The following MADCAM1 variants were observed in gnomAD, a reference collection of about 807,000 sequenced individuals.
MADCAM1 encodes the protein mucosal vascular addressin cell adhesion molecule 1.
A neutral mutation model predicts 26.1 loss-of-function variants in MADCAM1; 19 were observed. That is an observed-to-expected ratio of 0.73 (90% CI 0.51 to 1.07). The LOEUF (loss-of-function observed/expected upper bound fraction) is 1.07. Ranked by LOEUF, MADCAM1 falls within the 50% of genes least tolerant of loss-of-function variation. The probability of loss-of-function intolerance (pLI) is 0.00; values close to 1 mark genes in which losing one functional copy is unlikely to be tolerated. For missense variants in MADCAM1, 514 were observed against 542.1 expected (o/e 0.95, Z 0.51); for synonymous variants, 268 against 260.9 (o/e 1.03, Z -0.26).
In MADCAM1 at chr19:496,486, A is replaced by T. The variant is rs1950376811; in HGVS notation, c.-14A>T. On this transcript the variant is annotated 5_prime_UTR_variant, in exon 1 of 5. Transcript: ENST00000215637. The stretch of plus-strand genomic sequence containing the variant: ...AGCGGCTTCCCCGCGGCCTCGGGAC[A>T]GAGGGGACTGAGCATGGATTTCGGA... 3.1e-6 allele frequency: 4 copies of T among 1,309,496 alleles called. No homozygotes were observed. Among genetic ancestry groups the T allele is most frequent in the Non-Finnish European group, 3.9e-6 (4 of 1,021,678 alleles). 81.1% of individuals were successfully genotyped at this position (1,309,496 alleles called of 1,614,324 possible).
At chr19:499,319 T>C in intron 3 of MADCAM1, 1 of 457,794 alleles carries the variant, frequency 2.2e-6, no homozygotes, top group South Asian at 1.5e-5. Flanking sequence ...CTCTGTAGAA[T>C]GTTGCCTCCT....
intron 3 of MADCAM1, 132 bp downstream of exon 3, chr19:498,957 G>T (rs1978302569): frequency 3.9e-6 from 5 of 1,296,386 alleles, no homozygotes; most frequent in Non-Finnish European, 5.3e-6. Flanking sequence ...CCCACGCAGC[G>T]ACAGCGACAT....
chr19:499,423 C>G, intron 3 of MADCAM1: 2 of 439,660 alleles, frequency 4.5e-6, no homozygotes, highest in Non-Finnish European at 9.2e-6. Flanking sequence ...TGTACAAACA[C>G]AGACACACAC....
chr19:501,742 G>C lies in MADCAM1; in HGVS notation c.741G>C (p.Glu247Asp), dbSNP rs140671566. ...AGTCTCCCGACACCACCTCCCCGGA[G>C]TCTCCCGACACCACCTCCCAGGAGC... ...SPESPDTTSPESPDTTSQEPP... is the reference protein window; with the variant it reads ...SPESPDTTSPDSPDTTSQEPP... Residue 247 changes from glutamate (E) to aspartate (D), a missense_variant, in exon 4 of 5, where the codon GAG (glutamate) becomes GAC (aspartate). By Grantham distance (45) the Glu-to-Asp change is conservative (BLOSUM62 2). This residue lies in a region of MADCAM1 where 45 missense variants were observed against 91.8 expected (regional missense o/e 0.49). Coordinates refer to ENST00000215637, the MANE Select transcript of MADCAM1 (RefSeq NM_130760.3). 129 of 1,559,880 alleles carry C rather than the reference G, an allele frequency of 8.3e-5. 1 individual carries two copies. The African/African-American group carries it at 1.6e-3, about 19-fold the overall frequency.
rs1568318161 is a variant in MADCAM1 at position 501,834 on chromosome 19, C to CCA, written c.841_842dup (p.Arg283ProfsTer24). 1 of 1,558,790 alleles carries CCA rather than the reference C, an allele frequency of 6.4e-7. No homozygotes were observed. Among genetic ancestry groups the CCA allele is most frequent in the East Asian group, 2.4e-5 (1 of 41,148 alleles). On this transcript the variant is annotated frameshift_variant, in exon 4 of 5. Coordinates refer to ENST00000215637, the MANE Select transcript of MADCAM1 (RefSeq NM_130760.3). LOFTEE classifies it high-confidence loss of function. ...CCGGAGCCCGCCCCCCAGCAGGGCT[C>CCA]CACACACACCCCCAGGAGCCCAGGC... is the stretch of plus-strand genomic sequence containing the variant.
At chr19:500,217 G>C in intron 3 of MADCAM1, 1 of 456,158 alleles carries the variant, frequency 2.2e-6, no homozygotes. Flanking sequence ...TCTCAGGGCA[G>C]CCCAAAGAGG....
chr19:497,721 C>T, intron 1 of MADCAM1, 112 bp from the exon 2 acceptor site: 1 of 803,966 alleles, frequency 1.2e-6, no homozygotes, highest in Non-Finnish European at 1.5e-6. Flanking sequence ...GCGGAGGGTC[C>T]GGGAACCGGG....
chr19:497,882 G>C lies in MADCAM1; in HGVS notation c.102G>C (p.Val34=). 7.4e-7 allele frequency: 1 copy of C among 1,353,968 alleles called. No homozygotes were observed. Among genetic ancestry groups the C allele is most frequent in the South Asian group, 1.8e-5 (1 of 54,508 alleles). 83.9% of individuals were successfully genotyped at this position (1,353,968 alleles called of 1,614,324 possible). ...KPLQVEPPEP[V]VAVALGASRQ... ...TGCAGGTGGAGCCCCCGGAGCCGGTGGTGGCCGTGGCCTTGGGCGCCTCGC... is the reference window on the plus strand; with the variant it reads ...TGCAGGTGGAGCCCCCGGAGCCGGTCGTGGCCGTGGCCTTGGGCGCCTCGC... Residue 34 remains valine (V), a synonymous_variant, in exon 2 of 5, where the codon GTG becomes GTC. Coordinates refer to ENST00000215637, the MANE Select transcript of MADCAM1 (RefSeq NM_130760.3).
chr19:503,230 T>C (rs1434485749), intron 4 of MADCAM1, among the ~76,000 whole-genome samples: 1 of 151,804 alleles, frequency 6.6e-6, no homozygotes, highest in Non-Finnish European at 1.5e-5. Context: ...GAGCTTGCAG[T>C]GAGCCGAGAT....
chr19:500,545 C>T (rs1014117327), intron 3 of MADCAM1, among the ~76,000 whole-genome samples: 1 of 151,982 alleles, frequency 6.6e-6, no homozygotes, highest in Non-Finnish European at 1.5e-5. Context: ...GCCTGGCCAA[C>T]ATAGTGAAAC....
At position 501,897 on chromosome 19, in the gene MADCAM1, G is replaced by C; in HGVS notation, c.896G>C (p.Gly299Ala). Residue 299 changes from glycine to alanine, a missense_variant, in exon 4 of 5, where the codon GGG (glycine) becomes GCG (alanine). Physicochemically the swap from Gly to Ala is moderately conservative, Grantham distance 60 (BLOSUM62 0). Transcript: ENST00000215637. ...CGCCGCCCTGAGATCTCCCAGGCTG[G>C]GCCCACGCAGGGAGAAGTGATCCCA... ...RTRRPEISQA[G>A]PTQGEVIPTG... 1.3e-6 allele frequency: 2 copies of C among 1,548,616 alleles called. No individual in the cohort carries two copies. Among genetic ancestry groups the C allele is most frequent in the Non-Finnish European group, 1.7e-6 (2 of 1,147,988 alleles).
rs1297135685 is a variant in MADCAM1 at position 496,567 on chromosome 19, G to A, written c.52+16G>A. The A allele has an allele frequency of 2.2e-5, 29 of 1,296,042 alleles. No homozygotes were observed. Among genetic ancestry groups the A allele is most frequent in the Non-Finnish European group, 2.9e-5 (29 of 1,015,266 alleles). 80.3% of individuals were successfully genotyped at this position (1,296,042 alleles called of 1,614,324 possible). The stretch of plus-strand genomic sequence containing the variant: ...CTCCTCCTCGGTGAGAAGGGGAGGG[G>A]GCGCGGGAGAGAGGAGTGAGTTAGG... On this transcript the variant is annotated intron_variant, in intron 1 of 4. Transcript: ENST00000215637.
At chr19:498,415 A>AAGCCCCTCCGGGCTCC in intron 2 of MADCAM1, 81 bp from the exon 3 acceptor site, 3 of 1,368,080 alleles carry the variant, frequency 2.2e-6, no homozygotes, top group Non-Finnish European at 1.9e-6. Context: ...CCCCAGCTCC[A>AAGCCCCTCCGGGCTCC]AGCCCCTCCG....
At position 504,997 on chromosome 19, in the gene MADCAM1, T is replaced by C. The variant is rs778276933; in HGVS notation, c.*32T>C. ...AGCCTTTCCCCCTGTGAAAGCAAAA[T>C]AGCTTGGACCCCTTCAAGTTGAGAA... On this transcript the variant is annotated 3_prime_UTR_variant, in exon 5 of 5. Transcript: ENST00000215637. The C allele has an allele frequency of 7.9e-6, 12 of 1,511,572 alleles. No individual in the cohort carries two copies. In the East Asian group the frequency reaches 2.4e-4, roughly 30 times the overall value. The allele number at this position is 1,511,572 out of a possible 1,614,324, so 93.6% of individuals were successfully genotyped here. A position where few individuals can be genotyped will look rare whatever the true frequency, so the allele number is the denominator to read the frequency against.
intron 4 of MADCAM1, among the ~76,000 whole-genome samples, chr19:503,712 G>A (rs1013730305): frequency 6.6e-6 from 1 of 151,922 alleles, no homozygotes; most frequent in African/African-American, 2.4e-5. Context: ...GCTGCAGTGA[G>A]CTGAGATCAC....
chr19:502,645 G>A (rs1447882428), intron 4 of MADCAM1, among the ~76,000 whole-genome samples: 6 of 152,146 alleles, frequency 3.9e-5, no homozygotes, highest in Non-Finnish European at 5.9e-5. Context: ...GTGCCACAAA[G>A]AAATAGCACT....
intron 4 of MADCAM1, among the ~76,000 whole-genome samples, chr19:503,286 C>CAA (rs71333287): frequency 1.3e-4 from 19 of 141,224 alleles, no homozygotes; most frequent in African/African-American, 2.1e-4. Context: ...GACTCCATCT[C>CAA]AAAAAAAAAA....
At chr19:497,138 A>G (rs1600382897) in intron 1 of MADCAM1, among the ~76,000 whole-genome samples, 1 of 13,164 alleles carries the variant, frequency 7.6e-5, no homozygotes, top group Non-Finnish European at 1.3e-4. Context: ...GGGGCTCAGG[A>G]GAGAGAAGGG....
At chr19:497,025 A>T in intron 1 of MADCAM1, among the ~76,000 whole-genome samples, 1 of 1,990 alleles carries the variant, frequency 5.0e-4, no homozygotes, top group South Asian at 0.026. Context: ...GAGGGGGCTC[A>T]GTAGAGTGGG....
Sources: gnomAD v4.1 joint callset for allele counts (sites outside exome capture counted in the v4.1 genomes callset) on GRCh38, gnomAD v4.1.1 for gene constraint, gnomAD v4.1.1 regional missense constraint, MANE v1.5 for transcripts, NCBI Gene and HGNC (gene_info 2026-07-23, HGNC 2026-07-21) for gene names.